SPTBN4: variants seen among roughly 807,000 people sequenced by gnomAD.
The protein encoded by SPTBN4 is spectrin beta chain, non-erythrocytic 4.
In SPTBN4, 96 loss-of-function variants were observed where a neutral mutation model predicts 277.8. The ratio of observed to expected loss-of-function variants is 0.35; its 90% confidence interval spans 0.29 to 0.41. The LOEUF is 0.41. Among genes scored for constraint, SPTBN4 ranks in the 10% least tolerant of loss-of-function variants. The pLI, the probability that SPTBN4 is intolerant of heterozygous loss-of-function variation, is 1.00. For missense variants in SPTBN4, 3,006 were observed against 3,595.7 expected, an observed-to-expected ratio of 0.84 and a Z score of 4.19; for synonymous variants, 1,481 against 1,580.3, an observed-to-expected ratio of 0.94 and a Z score of 1.49.
chr19:40,568,480 C>G (rs2081119474), intron 31 of SPTBN4, among the ~76,000 whole-genome samples, 198 bp downstream of exon 31: 1 of 152,158 alleles, frequency 6.6e-6, no homozygotes. Flanking sequence ...GAAAGGGGAG[C>G]CCTTCCTGTT....
chr19:40,518,771 T>A (rs1398384066), intron 15 of SPTBN4, among the ~76,000 whole-genome samples: 4 of 152,148 alleles, frequency 2.6e-5, no homozygotes, highest in Non-Finnish European at 1.5e-5. Context: ...CTGGGAGTGG[T>A]GCGTGCCTGT....
chr19:40,519,669 C>T lies in SPTBN4; in HGVS notation c.3172C>T (p.Arg1058Trp), dbSNP rs1324595467. The T allele has an allele frequency of 7.2e-7, 1 of 1,393,052 alleles. No homozygotes were observed. The highest frequency in any genetic ancestry group is 9.2e-7 in the Non-Finnish European group (1 of 1,084,798). 86.3% of individuals were successfully genotyped at this position (1,393,052 alleles called of 1,614,324 possible). ...LAERFPAQAA[R>W]LHQGAEELGA... ...TGAGCGCTTCCCGGCGCAGGCGGCG[C>T]GGCTGCACCAGGGCGCGGAGGAGCT... The change falls in exon 16 of 36, where the codon CGG becomes TGG. Residue 1058 changes from arginine to tryptophan, a missense_variant. Physicochemically the swap from Arg to Trp is moderately radical, Grantham distance 101. Transcript: ENST00000598249. The surrounding 1 kb of genome is among the most constrained non-coding windows in gnomAD (Gnocchi z 5.7).
intron 12 of SPTBN4, among the ~76,000 whole-genome samples, chr19:40,505,402 AAAG>A (rs1568786001): frequency 2.1e-5 from 3 of 145,542 alleles, no homozygotes; most frequent in East Asian, 2.0e-4. Flanking sequence ...AAAAAAAAAA[AAAG>A]AAGAAGCCGG....
chr19:40,570,641 C>T lies in SPTBN4; in HGVS notation c.7232C>T (p.Pro2411Leu), dbSNP rs775462213. ...GCCCAGGGCGGCTCCGCCCCCGCGCCTCCGCCACCGCCCACTCACACAGTG... is the reference window on the plus strand; with the variant it reads ...GCCCAGGGCGGCTCCGCCCCCGCGCTTCCGCCACCGCCCACTCACACAGTG... The part of the protein sequence containing the change: ...APAQGGSAPA[P>L]PPPPTHTVQH... Residue 2411 changes from proline to leucine, a missense_variant, in exon 33 of 36, where the codon CCT (proline) becomes CTT (leucine). This residue lies in a region of SPTBN4 where 630 missense variants were observed against 677.6 expected (regional missense o/e 0.93). Coordinates refer to ENST00000598249, the MANE Select transcript of SPTBN4 (RefSeq NM_020971.3). 2.0e-6 allele frequency: 3 copies of T among 1,508,354 alleles called. No homozygotes were observed. In the South Asian group the frequency reaches 3.7e-5, roughly 19 times the overall value. 93.4% of individuals were successfully genotyped at this position (1,508,354 alleles called of 1,614,324 possible).
chr19:40,512,266 C>T (rs150807231), intron 13 of SPTBN4, among the ~76,000 whole-genome samples: 11 of 152,368 alleles, frequency 7.2e-5, no homozygotes, highest in Non-Finnish European at 1.5e-4. Flanking sequence ...CACTAGGCTA[C>T]AGCTCTGGGC....
chr19:40,513,858 T>C (rs2080423987), intron 14 of SPTBN4, among the ~76,000 whole-genome samples: 1 of 152,114 alleles, frequency 6.6e-6, no homozygotes, highest in Non-Finnish European at 1.5e-5. Flanking sequence ...CAGCATTTGC[T>C]CTTGTTACCC....
In SPTBN4 at chr19:40,523,555, C is replaced by T; in HGVS notation, c.3773C>T (p.Ala1258Val). ...CTGAGCCAGCAAAAGATGCAGGTGG[C>T]CGTGCAGGCTGCAGAGGGCCTGCTG... ...MELSQQKMQV[A>V]VQAAEGLLRQ... The change falls in exon 17 of 36, where the codon GCC becomes GTC. Residue 1258 changes from alanine to valine, a missense_variant. By Grantham distance (64) the Ala-to-Val change is moderately conservative (BLOSUM62 0). This residue lies in a region of SPTBN4 where 1,759 missense variants were observed against 2,061.5 expected (regional missense o/e 0.85). Transcript: ENST00000598249. 1 of 1,614,192 alleles carries T rather than the reference C, an allele frequency of 6.2e-7. No homozygotes were observed. Among genetic ancestry groups the T allele is most frequent in the African/African-American group, 1.3e-5 (1 of 75,082 alleles).
At chr19:40,567,445 A>G (rs2145954293) in intron 30 of SPTBN4, among the ~76,000 whole-genome samples, 1 of 152,324 alleles carries the variant, frequency 6.6e-6, no homozygotes, top group Non-Finnish European at 1.5e-5. Flanking sequence ...AAAGTGATTT[A>G]GCCAATTCTT....
At chr19:40,485,823 C>A (rs541746336) in intron 2 of SPTBN4, among the ~76,000 whole-genome samples, 1 of 151,738 alleles carries the variant, frequency 6.6e-6, no homozygotes, top group Non-Finnish European at 1.5e-5. Flanking sequence ...AAAGAGTAAT[C>A]CTACTAAAAA....
At chr19:40,549,518 T>C (rs982397892) in intron 21 of SPTBN4, 105 bp downstream of exon 21, 13 of 902,288 alleles carry the variant, frequency 1.4e-5, no homozygotes, top group African/African-American at 8.9e-5. Flanking sequence ...ACCCTCCCAC[T>C]CATACGCTGA....
intron 7 of SPTBN4, among the ~76,000 whole-genome samples, chr19:40,497,884 A>C (rs1599732580): frequency 3.1e-5 from 4 of 130,538 alleles, no homozygotes; most frequent in Non-Finnish European, 3.2e-5. Context: ...CTCAATTTCC[A>C]CCCATCCCCA....
Position 40,519,845 on chromosome 19 carries a change from GC to G in SPTBN4, c.3352del (p.Leu1118CysfsTer5), listed in dbSNP as rs1449008132. On this transcript the variant is annotated frameshift_variant, in exon 16 of 36. Transcript: ENST00000598249. LOFTEE classifies it high-confidence loss of function. The surrounding 1 kb of genome is among the most constrained non-coding windows in gnomAD (Gnocchi z 5.7). The stretch of plus-strand genomic sequence containing the variant: ...AGGAGGCGGCGGGCGGCAGCGAGGG[GC>G]CCCTGCCCAACAGCCTAGAAGAGGC... ...AQEAAGGSEG[P>X]LPNSLEEADA... 6.9e-7 allele frequency: 1 copy of G among 1,444,812 alleles called. No homozygotes were observed. The highest frequency in any genetic ancestry group is 3.0e-5 in the Admixed American group (1 of 33,884). 89.5% of individuals were successfully genotyped at this position (1,444,812 alleles called of 1,614,324 possible). A position where few individuals can be genotyped will look rare whatever the true frequency, so the allele number is the denominator to read the frequency against.
At chr19:40,541,566 G>A (rs1402104199) in intron 20 of SPTBN4, among the ~76,000 whole-genome samples, 1 of 152,136 alleles carries the variant, frequency 6.6e-6, no homozygotes, top group Non-Finnish European at 1.5e-5. Context: ...CCACCCTTAG[G>A]GCACTGGGGC....
chr19:40,519,424 T>C lies in SPTBN4; in HGVS notation c.2927T>C (p.Val976Ala). The change falls in exon 16 of 36, where the codon GTG becomes GCG. Residue 976 changes from valine (V) to alanine (A), a missense_variant. Val to Ala is a moderately conservative substitution (Grantham distance 64). Coordinates refer to ENST00000598249, the MANE Select transcript of SPTBN4 (RefSeq NM_020971.3). This position sits in a 1 kb window ranked among gnomAD's most constrained non-coding sequence, Gnocchi z 5.7. ...AGGTGGAACCGCATCGTGGAGCTAG[T>C]GGAACAGCGCAAAGAGGAAATGAGC... ...NSRWNRIVEL[V>A]EQRKEEMSAV... The C allele has an allele frequency of 6.3e-7, 1 of 1,587,020 alleles. No individual in the cohort carries two copies. Among genetic ancestry groups the C allele is most frequent in the Non-Finnish European group, 8.6e-7 (1 of 1,168,890 alleles).
chr19:40,502,214 C>T lies in SPTBN4; in HGVS notation c.984C>T (p.Thr328=), dbSNP rs778016108. Residue 328 remains threonine, a synonymous_variant, in exon 9 of 36, where the codon ACC becomes ACT. Transcript: ENST00000598249. The surrounding 1 kb of genome is among the most constrained non-coding windows in gnomAD (Gnocchi z 4.9). The part of the protein sequence containing the change: ...AAELLAWIHR[T]VGLISNQKFA... ...AGCTGCTGGCCTGGATCCACCGCACCGTGGGCCTCATCAGCAATCAGAAAT... is the reference window on the plus strand; with the variant it reads ...AGCTGCTGGCCTGGATCCACCGCACTGTGGGCCTCATCAGCAATCAGAAAT... The T allele has an allele frequency of 3.7e-6, 6 of 1,614,018 alleles. No individual in the cohort carries two copies. The highest frequency in any genetic ancestry group is 1.1e-5 in the South Asian group (1 of 91,084).
intron 26 of SPTBN4, among the ~76,000 whole-genome samples, chr19:40,558,671 G>A (rs1007651950): frequency 6.8e-6 from 1 of 146,586 alleles, no homozygotes; most frequent in Non-Finnish European, 1.5e-5. Flanking sequence ...GCAGTGGCGC[G>A]ATCTCAGCTC....
At chr19:40,567,155 G>C (rs755370231) in intron 30 of SPTBN4, 1 of 455,800 alleles carries the variant, frequency 2.2e-6, no homozygotes, top group South Asian at 1.5e-5. Context: ...ACAGCCAGGC[G>C]TGATGGCACG....
At chr19:40,470,867 G>A (rs1482938328) in intron 1 of SPTBN4, among the ~76,000 whole-genome samples, 1 of 145,632 alleles carries the variant, frequency 6.9e-6, no homozygotes, top group Admixed American at 6.9e-5. Flanking sequence ...TCCTCACCTC[G>A]TGATCCGCCT....
intron 20 of SPTBN4, among the ~76,000 whole-genome samples, chr19:40,538,305 C>T (rs1021357431): frequency 6.6e-6 from 1 of 151,674 alleles, no homozygotes; most frequent in African/African-American, 2.4e-5. Context: ...ATGAGAATCG[C>T]TTGAACTTGA....
Sources: gnomAD v4.1 joint callset for allele counts (sites outside exome capture counted in the v4.1 genomes callset) on GRCh38, gnomAD v4.1.1 for gene constraint, gnomAD v4.1.1 regional missense constraint, Gnocchi (gnomAD v3.1) non-coding constraint, MANE v1.5 for transcripts, NCBI Gene and HGNC (gene_info 2026-07-23, HGNC 2026-07-21) for gene names.